The following AGBL1 variants were observed in gnomAD, a reference collection of about 807,000 sequenced individuals.
AGBL1 encodes the protein AGBL carboxypeptidase 1.
Under a neutral mutation model 118.9 loss-of-function variants are expected in AGBL1, and 130 were observed. The observed-to-expected ratio is 1.09, with a 90% CI of 0.95 to 1.26. The LOEUF is 1.26. Among genes scored for constraint, AGBL1 ranks in the 50% most tolerant of loss-of-function variants. AGBL1 has a pLI of 0.00. For synonymous variants in AGBL1, 555 were observed against 478.9 expected, an observed-to-expected ratio of 1.16 and a Z score of -2.08; for missense variants, 1,584 against 1,298.1, an observed-to-expected ratio of 1.22 and a Z score of -3.38.
At chr15:87,025,887 A>G (rs111446340) in intron 24 of AGBL1, among the ~76,000 whole-genome samples, 6,163 of 152,046 alleles carry the variant, frequency 0.041, 396 homozygotes, top group African/African-American at 0.14. Flanking sequence ...CAACAAAGCA[A>G]ACAAAAACAT....
chr15:86,296,571 C>T (rs1171340353), intron 17 of AGBL1: 3 of 152,250 alleles, frequency 2.0e-5, no homozygotes, highest in African/African-American at 7.2e-5. Flanking sequence ...TCAGGTGACT[C>T]TTTGGTAGAT....
At chr15:86,537,439 T>G (rs1356506001) in intron 19 of AGBL1, among the ~76,000 whole-genome samples, 1 of 152,170 alleles carries the variant, frequency 6.6e-6, no homozygotes, top group Non-Finnish European at 1.5e-5. Flanking sequence ...ACTGCTTCTC[T>G]CCCTTCAATG....
intron 1 of AGBL1, chr15:86,088,165 C>T (rs566345834): frequency 1.3e-5 from 2 of 152,246 alleles, no homozygotes; most frequent in Non-Finnish European, 2.9e-5. Flanking sequence ...TAGATTTGGC[C>T]CACAGGCCAT....
At chr15:86,757,502 A>G (rs1189705644) in intron 22 of AGBL1, among the ~76,000 whole-genome samples, 1 of 152,092 alleles carries the variant, frequency 6.6e-6, no homozygotes, top group Non-Finnish European at 1.5e-5. Context: ...CAATGGCACT[A>G]TTGGGAAGGA....
At chr15:86,279,157 C>T (rs2079306438) in intron 15 of AGBL1, among the ~76,000 whole-genome samples, 1 of 152,168 alleles carries the variant, frequency 6.6e-6, no homozygotes, top group Non-Finnish European at 1.5e-5. Flanking sequence ...TGAATTGGAA[C>T]TCCATATATC....
chr15:86,463,934 G>T (rs1003488300), intron 18 of AGBL1, among the ~76,000 whole-genome samples: 1 of 152,034 alleles, frequency 6.6e-6, no homozygotes, highest in Non-Finnish European at 1.5e-5. Flanking sequence ...CTCTTTTTTG[G>T]TTCCATATGA....
intron 23 of AGBL1, among the ~76,000 whole-genome samples, chr15:86,982,085 C>G (rs998860): frequency 6.6e-6 from 1 of 152,032 alleles, no homozygotes; most frequent in Non-Finnish European, 1.5e-5. Flanking sequence ...ATGAAGGCCC[C>G]AGGTACCTCA....
intron 24 of AGBL1, among the ~76,000 whole-genome samples, chr15:86,998,087 A>G (rs1358221190): frequency 6.6e-6 from 1 of 152,178 alleles, no homozygotes; most frequent in Non-Finnish European, 1.5e-5. Context: ...GGATTGTGAC[A>G]GGCAGCTTCT....
At chr15:86,262,562 T>C in intron 9 of AGBL1, 1 of 607,378 alleles carries the variant, frequency 1.6e-6, no homozygotes, top group Non-Finnish European at 3.0e-6. Flanking sequence ...TGATAAATAC[T>C]GACATAAATG....
chr15:86,538,182 G>C (rs1333069882), intron 19 of AGBL1, among the ~76,000 whole-genome samples: 1 of 152,174 alleles, frequency 6.6e-6, no homozygotes, highest in East Asian at 1.9e-4. Context: ...GTCCAAGACT[G>C]ATCTGTAAGT....
intron 22 of AGBL1, among the ~76,000 whole-genome samples, chr15:86,719,337 A>G (rs888779172): frequency 2.0e-5 from 3 of 152,254 alleles, no homozygotes; most frequent in Non-Finnish European, 4.4e-5. Flanking sequence ...AGCACCTTAC[A>G]TACAATAGTA....
At chr15:86,529,008 AAAAAC>A (rs1323846595) in intron 19 of AGBL1, among the ~76,000 whole-genome samples, 9 of 6,558 alleles carry the variant, frequency 1.4e-3, no homozygotes, top group Admixed American at 2.3e-3. Context: ...AAGATGGGGA[AAAAAC>A]AGAACAGAAA....
At chr15:86,490,117 G>A (rs192372063) in intron 18 of AGBL1, among the ~76,000 whole-genome samples, 250 of 152,090 alleles carry the variant, frequency 1.6e-3, no homozygotes, top group Non-Finnish European at 2.4e-3. Context: ...CAGCTATGAC[G>A]TCCCGCTGAG....
At position 86,515,574 on chromosome 15, in the gene AGBL1, G is replaced by C. The variant is rs59635967; in HGVS notation, c.2556-7236G>C. Among the ~76,000 whole-genome samples, 210 of 152,166 alleles carry C rather than the reference G, an allele frequency of 1.4e-3. 1 individual carries two copies. The highest frequency in any genetic ancestry group is 4.8e-3 in the African/African-American group (198 of 41,524). On this transcript the variant is annotated intron_variant, in intron 18 of 22. Transcript: ENST00000614907. ...AACAATTTTTTGTGAGAATTAAAAAGAATTTAAAATTTCAGATTTTAAATA... is the reference window on the plus strand; with the variant it reads ...AACAATTTTTTGTGAGAATTAAAAACAATTTAAAATTTCAGATTTTAAATA...
At chr15:86,691,345 C>A (rs1474831008) in intron 22 of AGBL1, among the ~76,000 whole-genome samples, 1 of 152,144 alleles carries the variant, frequency 6.6e-6, no homozygotes, top group Non-Finnish European at 1.5e-5. Context: ...TATCTTCTCA[C>A]ATGTGTTTTT....
At chr15:86,990,461 C>A (rs1421652493) in intron 24 of AGBL1, among the ~76,000 whole-genome samples, 2 of 151,954 alleles carry the variant, frequency 1.3e-5, no homozygotes, top group Non-Finnish European at 2.9e-5. Flanking sequence ...TTGCAGTGAG[C>A]CAAGATTGTG....
downstream of AGBL1, among the ~76,000 whole-genome samples, chr15:86,918,852 A>G (rs1596634172): frequency 6.6e-6 from 1 of 152,214 alleles, no homozygotes; most frequent in East Asian, 1.9e-4. Flanking sequence ...ATAGAGAAAT[A>G]TGTCCCCAAC....
At chr15:86,310,656 T>C (rs2079906870) in intron 17 of AGBL1, among the ~76,000 whole-genome samples, 1 of 152,120 alleles carries the variant, frequency 6.6e-6, no homozygotes, top group South Asian at 2.1e-4. Flanking sequence ...AACGAGCACC[T>C]CTACTGAGGC....
intron 4 of AGBL1, among the ~76,000 whole-genome samples, chr15:86,156,703 G>A (rs944730318): frequency 1.3e-5 from 2 of 151,926 alleles, no homozygotes; most frequent in Non-Finnish European, 2.9e-5. Context: ...TACAGATATG[G>A]GGAGTTAATA....
Sources: allele counts gnomAD v4.1 joint callset (sites outside exome capture counted in the v4.1 genomes callset), GRCh38; gene constraint gnomAD v4.1.1; transcripts MANE v1.5; gene names NCBI Gene and HGNC (gene_info 2026-07-23, HGNC 2026-07-21).